Variants in ATF7 observed in about 807,000 individuals in gnomAD.
ATF7 encodes the protein cyclic AMP-dependent transcription factor ATF-7.
ATF7 carries 10 observed loss-of-function variants against 50.4 expected under a neutral mutation model. The ratio of observed to expected loss-of-function variants is 0.20; its 90% CI spans 0.12 to 0.34. The LOEUF (loss-of-function observed/expected upper bound fraction) is 0.34. Ranked by LOEUF, ATF7 falls within the 10% of genes least tolerant of loss-of-function variation. The pLI, the probability that ATF7 is intolerant of heterozygous loss-of-function variation, is 1.00. For missense variants in ATF7, 465 were observed against 613.9 expected (o/e 0.76, Z 2.56); for synonymous variants, 201 against 226.4 (o/e 0.89, Z 1.01).
Position 53,622,267 on chromosome 12 carries a change from A to G in ATF7, c.-22+4012T>C, listed in dbSNP as rs557151931. On this transcript the variant is annotated intron_variant, in intron 1 of 11. Coordinates refer to ENST00000420353, the MANE Select transcript of ATF7 (RefSeq NM_006856.3). ...TAGTGAGCTGAGATCGCACCACTGCACTCCAGTCTGGGAAACACAGCAAGA... is the reference window on the plus strand; with the variant it reads ...TAGTGAGCTGAGATCGCACCACTGCGCTCCAGTCTGGGAAACACAGCAAGA... Among the ~76,000 whole-genome samples, 10 of 151,284 alleles carry G rather than the reference A, an allele frequency of 6.6e-5. No individual in the cohort carries two copies. The East Asian group carries it at 1.8e-3, about 27-fold the overall frequency.
At chr12:53,572,007 C>T (rs1238724835) in intron 2 of ATF7, among the ~76,000 whole-genome samples, 7 of 151,112 alleles carry the variant, frequency 4.6e-5, no homozygotes, top group Admixed American at 4.6e-4. Context: ...ACGGAGGTTG[C>T]AGTGAGCCGA....
chr12:53,524,472 AC>A lies in ATF7; in HGVS notation c.1125+91del. 1 of 1,395,050 alleles carries A rather than the reference AC, an allele frequency of 7.2e-7. No individual in the cohort carries two copies. Among genetic ancestry groups the A allele is most frequent in the South Asian group, 1.2e-5 (1 of 81,782 alleles). The allele number at this position is 1,395,050 out of a possible 1,614,324, so 86.4% of individuals were successfully genotyped here. A position where few individuals can be genotyped will look rare whatever the true frequency, so the allele number is the denominator to read the frequency against. Reference sequence around the variant, plus strand: ...CTAGATCTGTCCTAATTAGAGAATTACCATCTTCTATCAAATTGTACCACTT... The same window carrying A: ...CTAGATCTGTCCTAATTAGAGAATTACATCTTCTATCAAATTGTACCACTT... On this transcript the variant is annotated intron_variant, in intron 10 of 11. Coordinates refer to ENST00000420353, the MANE Select transcript of ATF7 (RefSeq NM_006856.3). The surrounding 1 kb of genome is among the most constrained non-coding windows in gnomAD (Gnocchi z 4.6).
intron 2 of ATF7, among the ~76,000 whole-genome samples, chr12:53,582,870 C>A (rs947622650): frequency 6.6e-6 from 1 of 152,166 alleles, no homozygotes; most frequent in Non-Finnish European, 1.5e-5. Flanking sequence ...AGGCGTGAGC[C>A]ACCGCACCTG....
At chr12:53,536,231 G>A (rs973733491) in intron 5 of ATF7, among the ~76,000 whole-genome samples, 1 of 151,452 alleles carries the variant, frequency 6.6e-6, no homozygotes, top group Non-Finnish European at 1.5e-5. Context: ...TGTTGTTGTT[G>A]GATATGTTTG....
At chr12:53,583,547 C>T (rs1171757793) in intron 2 of ATF7, among the ~76,000 whole-genome samples, 1 of 151,746 alleles carries the variant, frequency 6.6e-6, no homozygotes, top group Admixed American at 6.6e-5. Context: ...TTGAATCCCC[C>T]CCACCCCCAG....
chr12:53,558,677 T>A (rs531500072), intron 2 of ATF7, among the ~76,000 whole-genome samples: 1 of 152,220 alleles, frequency 6.6e-6, no homozygotes, highest in African/African-American at 2.4e-5. Context: ...CAAAACAATT[T>A]TGGCTACTTT....
intron 2 of ATF7, among the ~76,000 whole-genome samples, chr12:53,557,628 C>T (rs1273135540): frequency 6.6e-6 from 1 of 152,204 alleles, no homozygotes; most frequent in Non-Finnish European, 1.5e-5. Context: ...AATATAATAA[C>T]CATCTCCAAG....
intron 1 of ATF7, among the ~76,000 whole-genome samples, chr12:53,601,914 A>G (rs936570421): frequency 7.9e-5 from 12 of 152,346 alleles, no homozygotes; most frequent in Admixed American, 3.9e-4. Context: ...CGTTTTATAA[A>G]TTATTGAAGC....
chr12:53,596,038 C>T (rs539640895), intron 2 of ATF7, among the ~76,000 whole-genome samples: 54 of 152,232 alleles, frequency 3.5e-4, no homozygotes, highest in Middle Eastern at 3.4e-3. Context: ...GTGGCTCATG[C>T]CTGAAATCCC....
Position 53,579,958 on chromosome 12 carries a change from C to T in ATF7, c.48+20995G>A, listed in dbSNP as rs115118535. On this transcript the variant is annotated intron_variant, in intron 2 of 11. Coordinates refer to ENST00000420353, the MANE Select transcript of ATF7 (RefSeq NM_006856.3). ...AAACCCTTTATCTTTTTTTTTGAGA[C>T]GGAGTCTCACTCTGTCGGCCAGGCT... 8.4e-3 allele frequency among the ~76,000 whole-genome samples: 1,273 copies of T among 151,650 alleles called. 13 individuals are homozygous for T. The highest frequency in any genetic ancestry group is 0.029 in the African/African-American group (1,200 of 41,388).
Position 53,532,691 on chromosome 12 carries a change from C to A in ATF7, c.661-68G>T, listed in dbSNP as rs952205420. ...AATACCATCGGTGGGGCAACAGTTTCCCTAAAATGAAGCGCTTTTGAGATT... is the reference window on the plus strand; with the variant it reads ...AATACCATCGGTGGGGCAACAGTTTACCTAAAATGAAGCGCTTTTGAGATT... On this transcript the variant is annotated intron_variant, in intron 7 of 11. Coordinates refer to ENST00000420353, the MANE Select transcript of ATF7 (RefSeq NM_006856.3). 13 of 1,218,692 alleles carry A rather than the reference C, an allele frequency of 1.1e-5. No homozygotes were observed. The South Asian group carries it at 1.6e-4, about 15-fold the overall frequency. 75.5% of individuals were successfully genotyped at this position (1,218,692 alleles called of 1,614,324 possible).
Position 53,537,402 on chromosome 12 carries a change from G to A in ATF7, c.402+13C>T, listed in dbSNP as rs375679598. On this transcript the variant is annotated intron_variant, in intron 5 of 11. Transcript: ENST00000420353. ...CAATTAACATTTGAGATGATCCTTG[G>A]TAGAGAATTTACCTTCTCCTTCAGT... 1.1e-4 allele frequency: 183 copies of A among 1,613,004 alleles called. 4 individuals carry two copies. The South Asian group carries it at 1.5e-3, about 13-fold the overall frequency.
intron 2 of ATF7, among the ~76,000 whole-genome samples, chr12:53,573,059 A>G (rs1291693664): frequency 6.6e-6 from 1 of 150,996 alleles, no homozygotes; most frequent in Non-Finnish European, 1.5e-5. Context: ...TGTTGAGATT[A>G]CAGGCGTGAG....
At chr12:53,606,853 G>C (rs1412523053) in intron 1 of ATF7, among the ~76,000 whole-genome samples, 1 of 151,430 alleles carries the variant, frequency 6.6e-6, no homozygotes, top group Non-Finnish European at 1.5e-5. Flanking sequence ...TGAGAATGAT[G>C]GTTTCCAGTT....
rs192947371 is a variant in ATF7, at chr12:53,515,651, G to A, written c.*1486C>T. On this transcript the variant is annotated 3_prime_UTR_variant, in exon 12 of 12. Transcript: ENST00000420353. ...CAACCCAACTCTTCAAAGTAAGAAT[G>A]GTTGAGAGCAATAGTCACCAATTTC... The A allele has an allele frequency of 6.6e-6, 1 of 152,310 alleles. No individual in the cohort carries two copies. Among genetic ancestry groups the A allele is most frequent in the East Asian group, 1.9e-4 (1 of 5,172 alleles). 9.4% of individuals were successfully genotyped at this position (152,310 alleles called of 1,614,324 possible). A position where few individuals can be genotyped will look rare whatever the true frequency, so the allele number is the denominator to read the frequency against.
In ATF7 at chr12:53,541,646, C is replaced by A. The variant is rs1248951839; in HGVS notation, c.264+1684G>T. Among the ~76,000 whole-genome samples, 7 of 152,294 alleles carry A rather than the reference C, an allele frequency of 4.6e-5. No individual in the cohort carries two copies. The East Asian group carries it at 1.3e-3, about 29-fold the overall frequency. On this transcript the variant is annotated intron_variant, in intron 4 of 11. Coordinates refer to ENST00000420353, the MANE Select transcript of ATF7 (RefSeq NM_006856.3). ...GATTCCAGCATTTTAATCCCCTCTA[C>A]AATATCTCTACTAAGTGGTCTACAT...
intron 8 of ATF7, 37 bp downstream of exon 8, chr12:53,532,473 G>A: frequency 6.7e-7 from 1 of 1,492,190 alleles, no homozygotes; most frequent in East Asian, 2.4e-5. Context: ...ACTTCTTTCA[G>A]AAAGGCCAAC....
At position 53,517,375 on chromosome 12, in the gene ATF7, G is replaced by A. The variant is rs761924027; in HGVS notation, c.1235-21C>T. The A allele has an allele frequency of 2.5e-6, 4 of 1,600,594 alleles. No individual in the cohort carries two copies. The African/African-American group carries it at 4.0e-5, about 16-fold the overall frequency. Reference sequence around the variant, plus strand: ...GCTTTCTGCCAGGAAGGAGGGCAAAGAGCAGAGAGCAATTGGTTAGAAAAC... The same window carrying A: ...GCTTTCTGCCAGGAAGGAGGGCAAAAAGCAGAGAGCAATTGGTTAGAAAAC... On this transcript the variant is annotated intron_variant, in intron 11 of 11. Coordinates refer to ENST00000420353, the MANE Select transcript of ATF7 (RefSeq NM_006856.3).
At chr12:53,611,266 C>A (rs1015589749) in intron 1 of ATF7, among the ~76,000 whole-genome samples, 1 of 152,056 alleles carries the variant, frequency 6.6e-6, no homozygotes, top group Non-Finnish European at 1.5e-5. Flanking sequence ...GTCAGGAGAT[C>A]GAGACACTCC....
Sources: gnomAD v4.1 joint callset for allele counts (sites outside exome capture counted in the v4.1 genomes callset) on GRCh38, gnomAD v4.1.1 for gene constraint, Gnocchi (gnomAD v3.1) non-coding constraint, MANE v1.5 for transcripts, NCBI Gene and HGNC (gene_info 2026-07-23, HGNC 2026-07-21) for gene names.